SLCO6A1: variants seen among roughly 807,000 people sequenced by gnomAD.
SLCO6A1 encodes the protein solute carrier organic anion transporter family member 6A1, also known as cancer/testis antigen 48.
A neutral mutation model predicts 72.7 loss-of-function variants in SLCO6A1; 65 were observed. The observed-to-expected ratio is 0.89, with a 90% CI of 0.73 to 1.10. SLCO6A1 has a LOEUF of 1.10. SLCO6A1 is among the 50% of genes least tolerant of loss of function. The pLI, the probability that SLCO6A1 is intolerant of heterozygous loss-of-function variation, is 0.00. For synonymous variants in SLCO6A1, 314 were observed against 298.2 expected, an observed-to-expected ratio of 1.05 and a Z score of -0.55; for missense variants, 874 against 872.6, an observed-to-expected ratio of 1.00 and a Z score of -0.02.
chr5:102,449,810 A>T (rs1240863471), intron 6 of SLCO6A1, among the ~76,000 whole-genome samples: 1 of 152,210 alleles, frequency 6.6e-6, no homozygotes, highest in Non-Finnish European at 1.5e-5. Context: ...GACTTGGTCT[A>T]TTAACATAAT....
chr5:102,460,974 G>A (rs896411407), intron 4 of SLCO6A1, among the ~76,000 whole-genome samples: 9 of 79,682 alleles, frequency 1.1e-4, no homozygotes, highest in African/African-American at 3.4e-4. Context: ...GCTACACTCA[G>A]GGAGTTTCAA....
intron 4 of SLCO6A1, among the ~76,000 whole-genome samples, chr5:102,467,522 T>C (rs1480297915): frequency 6.6e-6 from 1 of 152,078 alleles, no homozygotes; most frequent in Non-Finnish European, 1.5e-5. Flanking sequence ...GAGTACAGTA[T>C]GAGGGAAACT....
At chr5:102,383,538 T>C (rs1746242825) in intron 12 of SLCO6A1, among the ~76,000 whole-genome samples, 1 of 151,846 alleles carries the variant, frequency 6.6e-6, no homozygotes, top group South Asian at 2.1e-4. Context: ...ACCTTAGGGA[T>C]AAATCCCTCT....
intron 10 of SLCO6A1, among the ~76,000 whole-genome samples, chr5:102,395,599 C>T (rs1404911152): frequency 6.6e-6 from 1 of 151,740 alleles, no homozygotes; most frequent in Non-Finnish European, 1.5e-5. Context: ...AGTTCTAGAT[C>T]CCTAAGGAAT....
chr5:102,399,551 A>G lies in SLCO6A1; in HGVS notation c.1814+4T>C, dbSNP rs773504863. 1 of 1,519,338 alleles carries G rather than the reference A, an allele frequency of 6.6e-7. No homozygotes were observed. The allele number at this position is 1,519,338 out of a possible 1,614,324, so 94.1% of individuals were successfully genotyped here. On this transcript the variant is annotated splice_donor_region_variant and intron_variant, in intron 10 of 13. Transcript: ENST00000506729. ...AACAATAATAATGAGTAATATATAC[A>G]TACCGCGTCATGGCCAAGACGATTG... is the stretch of plus-strand genomic sequence containing the variant.
At chr5:102,417,561 C>T (rs1314503013) in intron 8 of SLCO6A1, among the ~76,000 whole-genome samples, 1 of 152,046 alleles carries the variant, frequency 6.6e-6, no homozygotes, top group African/African-American at 2.4e-5. Flanking sequence ...ACACAGTCTA[C>T]CAACATGTGC....
At chr5:102,420,151 GT>G (rs1349101681) in intron 7 of SLCO6A1, 130 bp from the exon 8 acceptor site, 1 of 805,840 alleles carries the variant, frequency 1.2e-6, no homozygotes, top group Non-Finnish European at 1.8e-6. Context: ...GACAGAAAAT[GT>G]ACAGTTATGC....
intron 9 of SLCO6A1, among the ~76,000 whole-genome samples, chr5:102,401,232 T>G (rs1747381505): frequency 6.6e-6 from 1 of 151,832 alleles, no homozygotes; most frequent in South Asian, 2.1e-4. Flanking sequence ...AGAGCTTGCT[T>G]GAAAAGTTGA....
intron 10 of SLCO6A1, among the ~76,000 whole-genome samples, chr5:102,397,048 C>G (rs1747124219): frequency 6.6e-6 from 1 of 152,140 alleles, no homozygotes; most frequent in Admixed American, 6.5e-5. Flanking sequence ...ACACGAGTTT[C>G]AGAGAGGATC....
intron 1 of SLCO6A1, among the ~76,000 whole-genome samples, chr5:102,491,032 T>C (rs1204849125): frequency 1.3e-5 from 2 of 152,152 alleles, no homozygotes; most frequent in East Asian, 1.9e-4. Context: ...GGCAGGGCGC[T>C]GATTGGTGCG....
intron 5 of SLCO6A1, among the ~76,000 whole-genome samples, 188 bp from the exon 6 acceptor site, chr5:102,458,679 C>T (rs1429193730): frequency 6.6e-6 from 1 of 152,150 alleles, no homozygotes; most frequent in Non-Finnish European, 1.5e-5. Flanking sequence ...TCCTGAAGAA[C>T]ATTCTGTGAT....
intron 6 of SLCO6A1, among the ~76,000 whole-genome samples, chr5:102,455,157 G>C (rs1296661610): frequency 6.6e-6 from 1 of 151,608 alleles, no homozygotes; most frequent in Non-Finnish European, 1.5e-5. Flanking sequence ...ATTTTAAATA[G>C]ATAGATTAGC....
chr5:102,429,313 T>A (rs1399507097), intron 7 of SLCO6A1, among the ~76,000 whole-genome samples: 1 of 152,230 alleles, frequency 6.6e-6, no homozygotes, highest in Non-Finnish European at 1.5e-5. Flanking sequence ...TTTAATTAGA[T>A]CCCATTTGTA....
chr5:102,465,057 A>G (rs1322773927), intron 4 of SLCO6A1, among the ~76,000 whole-genome samples: 2 of 152,176 alleles, frequency 1.3e-5, no homozygotes, highest in Non-Finnish European at 2.9e-5. Context: ...CCTGTTAGCT[A>G]TTATACAATT....
At chr5:102,385,617 T>C (rs140783741) in intron 12 of SLCO6A1, among the ~76,000 whole-genome samples, 114 of 152,276 alleles carry the variant, frequency 7.5e-4, no homozygotes, top group Non-Finnish European at 1.3e-3. Flanking sequence ...ATTTTTCAGT[T>C]TAATTATTGT....
chr5:102,386,824 T>C (rs1240586824), intron 12 of SLCO6A1, among the ~76,000 whole-genome samples: 1 of 152,174 alleles, frequency 6.6e-6, no homozygotes, highest in Non-Finnish European at 1.5e-5. Context: ...CCTAGAGCTG[T>C]ATTTTACTGA....
chr5:102,434,234 G>C (rs148993393), intron 7 of SLCO6A1, among the ~76,000 whole-genome samples: 2 of 152,054 alleles, frequency 1.3e-5, no homozygotes, highest in Non-Finnish European at 2.9e-5. Flanking sequence ...TTTCCACGTA[G>C]AGCACAGGAC....
At chr5:102,408,804 A>G (rs1747813248) in intron 9 of SLCO6A1, among the ~76,000 whole-genome samples, 1 of 152,216 alleles carries the variant, frequency 6.6e-6, no homozygotes, top group Non-Finnish European at 1.5e-5. Flanking sequence ...ACATATAAAA[A>G]TACATATTAA....
At chr5:102,459,624 C>T (rs1750917762) in intron 5 of SLCO6A1, 32 bp downstream of exon 5, 3 of 1,552,034 alleles carry the variant, frequency 1.9e-6, no homozygotes, top group African/African-American at 1.4e-5. Flanking sequence ...AACTACTATC[C>T]TCCAATTTAA....
Sources: gnomAD v4.1 joint callset for allele counts (sites outside exome capture counted in the v4.1 genomes callset) on GRCh38, gnomAD v4.1.1 for gene constraint, MANE v1.5 for transcripts, NCBI Gene and HGNC (gene_info 2026-07-23, HGNC 2026-07-21) for gene names.